Variants in MFN1 observed in about 807,000 individuals in gnomAD.
MFN1 encodes mitofusin-1.
Under a neutral mutation model 92.4 loss-of-function variants are expected in MFN1, and 65 were observed. The ratio of observed to expected loss-of-function variants is 0.70; its 90% CI spans 0.58 to 0.86. MFN1 has a LOEUF of 0.86. MFN1 is among the 40% of genes least tolerant of loss of function. MFN1 has a pLI of 0.00. For missense variants in MFN1, 781 were observed against 868.0 expected (o/e 0.90, Z 1.26); for synonymous variants, 297 against 300.9 (o/e 0.99, Z 0.13).
At chr3:179,383,487 T>A (rs2108554792) in intron 14 of MFN1, among the ~76,000 whole-genome samples, 1 of 152,332 alleles carries the variant, frequency 6.6e-6, no homozygotes, top group South Asian at 2.1e-4. Context: ...TGTAGTATAG[T>A]TTGAAGTCAG....
At chr3:179,367,921 C>G (rs1712864142) in intron 8 of MFN1, 115 bp from the exon 9 acceptor site, 1 of 512,538 alleles carries the variant, frequency 2.0e-6, no homozygotes. Context: ...AAGACTCTGT[C>G]TCGGGGGAAA....
chr3:179,367,739 A>C, intron 8 of MFN1, 147 bp downstream of exon 8: 1 of 584,956 alleles, frequency 1.7e-6, no homozygotes, highest in Non-Finnish European at 2.7e-6. Flanking sequence ...CCTGGCCAAC[A>C]TGGTGAAACC....
At chr3:179,354,666 C>A (rs1185526810) in intron 3 of MFN1, among the ~76,000 whole-genome samples, 3 of 152,112 alleles carry the variant, frequency 2.0e-5, no homozygotes, top group Non-Finnish European at 4.4e-5. Flanking sequence ...AGATCAGTCC[C>A]GAGAACTGCT....
intron 7 of MFN1, among the ~76,000 whole-genome samples, chr3:179,366,856 A>G (rs1021988227): frequency 1.3e-5 from 2 of 152,220 alleles, no homozygotes; most frequent in African/African-American, 4.8e-5. Flanking sequence ...TCAGTGCCCA[A>G]GTGGTAATCT....
Position 179,377,638 on chromosome 3 carries a change from A to G in MFN1, c.1329+190A>G, listed in dbSNP as rs188952939. 3.0e-3 allele frequency among the ~76,000 whole-genome samples: 452 copies of G among 152,362 alleles called. 5 individuals are homozygous for G. The highest frequency in any genetic ancestry group is 0.011 in the African/African-American group (444 of 41,584). On this transcript the variant is annotated intron_variant, in intron 12 of 17. Coordinates refer to ENST00000471841, the MANE Select transcript of MFN1 (RefSeq NM_033540.3). ...AGAAAATTTATACTTAGAATGAGATAAAGATCATTTTAGGACGAGGCACAG... is the reference window on the plus strand; with the variant it reads ...AGAAAATTTATACTTAGAATGAGATGAAGATCATTTTAGGACGAGGCACAG...
At chr3:179,387,589 T>C (rs910451587) in intron 16 of MFN1, among the ~76,000 whole-genome samples, 1 of 72,560 alleles carries the variant, frequency 1.4e-5, no homozygotes, top group Non-Finnish European at 2.8e-5. Context: ...GGTTTCTTTT[T>C]TTTTTTTTTT....
intron 3 of MFN1, among the ~76,000 whole-genome samples, chr3:179,354,439 G>T (rs1209146346): frequency 6.6e-6 from 1 of 152,172 alleles, no homozygotes; most frequent in Non-Finnish European, 1.5e-5. Context: ...GAGAGGATTG[G>T]ATGTTACAAT....
chr3:179,366,252 G>T (rs564440883), intron 7 of MFN1, among the ~76,000 whole-genome samples: 22 of 152,072 alleles, frequency 1.4e-4, no homozygotes, highest in Non-Finnish European at 3.1e-4. Context: ...GTACTTAGAG[G>T]TAAAACTGCT....
intron 12 of MFN1, 145 bp downstream of exon 12, chr3:179,377,593 G>A: frequency 1.9e-6 from 1 of 517,394 alleles, no homozygotes. Context: ...AATGTAAACT[G>A]TCTTGTATAA....
intron 5 of MFN1, among the ~76,000 whole-genome samples, chr3:179,363,021 T>C (rs917218257): frequency 6.6e-6 from 1 of 152,190 alleles, no homozygotes; most frequent in Non-Finnish European, 1.5e-5. Context: ...TCAGTCAAGA[T>C]TGACAGTTGG....
At chr3:179,368,664 A>C (rs1421802161) in intron 9 of MFN1, among the ~76,000 whole-genome samples, 1 of 152,232 alleles carries the variant, frequency 6.6e-6, no homozygotes, top group East Asian at 1.9e-4. Flanking sequence ...GAAACTATTG[A>C]AGTGCCTGAG....
Position 179,359,007 on chromosome 3 carries a change from G to C in MFN1, c.411+5G>C, listed in dbSNP as rs368691037. On this transcript the variant is annotated splice_donor_5th_base_variant and intron_variant, in intron 4 of 17. Coordinates refer to ENST00000471841, the MANE Select transcript of MFN1 (RefSeq NM_033540.3). ...GATGAAAAAAAGAGTGTGAAGGTAT[G>C]ATCTTTAACCTTTAGCAGAATAATA... is the stretch of plus-strand genomic sequence containing the variant. The C allele has an allele frequency of 2.2e-4, 349 of 1,612,112 alleles. 1 individual carries two copies. The highest frequency in any genetic ancestry group is 2.8e-4 in the Non-Finnish European group (336 of 1,179,234).
Position 179,358,920 on chromosome 3 carries a change from A to G in MFN1, c.329A>G (p.Asn110Ser), listed in dbSNP as rs1358058151. 5.6e-6 allele frequency: 9 copies of G among 1,613,946 alleles called. No individual in the cohort carries two copies. Among genetic ancestry groups the G allele is most frequent in the Admixed American group, 3.3e-5 (2 of 59,992 alleles). ...VLPSGIGHIT[N>S]CFLSVEGTDG... ...CCTAGTGGGATTGGCCATATAACCA[A>G]TTGCTTCCTAAGTGTTGAAGGAACT... Residue 110 changes from asparagine (N) to serine (S), a missense_variant, in exon 4 of 18, where the codon AAT becomes AGT. Coordinates refer to ENST00000471841, the MANE Select transcript of MFN1 (RefSeq NM_033540.3).
At chr3:179,359,058 T>C in intron 4 of MFN1, 56 bp downstream of exon 4, 1 of 1,462,234 alleles carries the variant, frequency 6.8e-7, no homozygotes, top group South Asian at 1.6e-5. Flanking sequence ...CCTGAACTTA[T>C]TCTTTAATAA....
At chr3:179,389,884 C>A in intron 16 of MFN1, 120 bp from the exon 17 acceptor site, 2 of 874,298 alleles carry the variant, frequency 2.3e-6, no homozygotes, top group Admixed American at 6.1e-5. Context: ...TCTTAGTGTT[C>A]TGATTCCCTA....
chr3:179,394,366 T>G lies in MFN1; in HGVS notation c.*2307T>G, dbSNP rs542315429. 4.6e-5 allele frequency: 7 copies of G among 150,690 alleles called. No homozygotes were observed. The South Asian group carries it at 1.5e-3, about 32-fold the overall frequency. 9.3% of individuals were successfully genotyped at this position (150,690 alleles called of 1,614,324 possible). A position where few individuals can be genotyped will look rare whatever the true frequency, so the allele number is the denominator to read the frequency against. Reference sequence around the variant, plus strand: ...AGTTGTCTGATCAATTGTGAAAACATAATGAATGTTGGAAATGGAACAGTA... The same window carrying G: ...AGTTGTCTGATCAATTGTGAAAACAGAATGAATGTTGGAAATGGAACAGTA... On this transcript the variant is annotated 3_prime_UTR_variant, in exon 18 of 18. Coordinates refer to ENST00000471841, the MANE Select transcript of MFN1 (RefSeq NM_033540.3).
rs139714940 is a variant in MFN1 at position 179,364,864 on chromosome 3, A to T, written c.646-254A>T. On this transcript the variant is annotated intron_variant, in intron 6 of 17. Coordinates refer to ENST00000471841, the MANE Select transcript of MFN1 (RefSeq NM_033540.3). ...CAGACTTAGAAGATTATTTAGCCAG[A>T]TGTCTGGAGCCAGACTCATCTGAAA... Among the ~76,000 whole-genome samples the T allele has an allele frequency of 0.01, 1,561 of 152,352 alleles. 53 individuals are homozygous for T. In the South Asian group the frequency reaches 0.11, roughly 11 times the overall value.
At chr3:179,355,382 C>T (rs544233966) in intron 3 of MFN1, among the ~76,000 whole-genome samples, 1 of 152,056 alleles carries the variant, frequency 6.6e-6, no homozygotes, top group African/African-American at 2.4e-5. Flanking sequence ...TTTAACCAGC[C>T]CCTGTTCAAG....
rs34746 is a variant in MFN1, at chr3:179,382,898, C to G, written c.1663-2671C>G. ...TTGAGAAGTGTCTGTTCATATCCTT[C>G]GCCCACTTTTTGATGGGGTTGTTTT... On this transcript the variant is annotated intron_variant, in intron 14 of 17. Coordinates refer to ENST00000471841, the MANE Select transcript of MFN1 (RefSeq NM_033540.3). Among the ~76,000 whole-genome samples the G allele has an allele frequency of 1.2e-4, 19 of 152,230 alleles. No individual in the cohort carries two copies. In the South Asian group the frequency reaches 3.9e-3, roughly 32 times the overall value.
Sources: gnomAD v4.1 joint callset for allele counts (sites outside exome capture counted in the v4.1 genomes callset) on GRCh38, gnomAD v4.1.1 for gene constraint, MANE v1.5 for transcripts, NCBI Gene and HGNC (gene_info 2026-07-23, HGNC 2026-07-21) for gene names.